Variants in LRMDA observed in about 807,000 individuals in gnomAD.
The protein encoded by LRMDA is leucine rich melanocyte differentiation associated.
In LRMDA, 18 loss-of-function variants were observed where a neutral mutation model predicts 29.8. The observed-to-expected ratio is 0.60, with a 90% CI of 0.42 to 0.90. LRMDA has a LOEUF of 0.90. Among genes scored for constraint, LRMDA ranks in the 40% least tolerant of loss-of-function variants. The pLI is 0.00. For synonymous variants in LRMDA, 125 were observed against 109.4 expected (o/e 1.14, Z -0.89); for missense variants, 273 against 273.9 (o/e 1.00, Z 0.02).
chr10:75,943,189 A>G (rs1023716585), intron 2 of LRMDA, among the ~76,000 whole-genome samples: 25 of 151,174 alleles, frequency 1.7e-4, no homozygotes, highest in Non-Finnish European at 4.4e-5. Context: ...AAGGACTATG[A>G]GATAGAATCT....
At chr10:75,975,884 T>C (rs1051421437) in intron 2 of LRMDA, among the ~76,000 whole-genome samples, 4 of 152,204 alleles carry the variant, frequency 2.6e-5, no homozygotes, top group Non-Finnish European at 5.9e-5. Context: ...AATTCTAAAA[T>C]GTTTCCTGAA....
chr10:76,036,956 G>A (rs923617020), intron 3 of LRMDA, among the ~76,000 whole-genome samples: 7 of 152,144 alleles, frequency 4.6e-5, no homozygotes, highest in African/African-American at 1.7e-4. Context: ...AATAGTGCCT[G>A]GCACCAAGTA....
At chr10:75,596,555 TA>T (rs201025086) in intron 2 of LRMDA, among the ~76,000 whole-genome samples, 2 of 151,700 alleles carry the variant, frequency 1.3e-5, no homozygotes, top group Non-Finnish European at 2.9e-5. Flanking sequence ...TTTTTTTTTT[TA>T]AAATGACATA....
chr10:75,475,020 C>G (rs1040642307), intron 2 of LRMDA, among the ~76,000 whole-genome samples: 12 of 152,206 alleles, frequency 7.9e-5, no homozygotes, highest in African/African-American at 2.9e-4. Flanking sequence ...AGCCCAGCAC[C>G]TGCACATAGT....
chr10:75,710,206 G>T (rs1400843211), intron 2 of LRMDA, among the ~76,000 whole-genome samples: 1 of 152,160 alleles, frequency 6.6e-6, no homozygotes, highest in Admixed American at 6.5e-5. Context: ...TTTTAGCACA[G>T]AAAATGTGTT....
At chr10:76,186,412 C>A (rs191958955) in intron 5 of LRMDA, among the ~76,000 whole-genome samples, 4 of 152,294 alleles carry the variant, frequency 2.6e-5, no homozygotes, top group Admixed American at 1.3e-4. Context: ...CAGGGTTGGC[C>A]ATGCAAATAA....
intron 2 of LRMDA, among the ~76,000 whole-genome samples, chr10:75,506,498 C>G (rs1050410064): frequency 6.6e-6 from 1 of 151,668 alleles, no homozygotes; most frequent in Non-Finnish European, 1.5e-5. Context: ...TTTTTGGTGT[C>G]TTATAGCAGA....
At chr10:75,755,702 G>A (rs1843023371) in intron 2 of LRMDA, among the ~76,000 whole-genome samples, 1 of 152,216 alleles carries the variant, frequency 6.6e-6, no homozygotes, top group Admixed American at 6.5e-5. Context: ...CAATGCAAAG[G>A]TCCTAGGCTG....
chr10:75,667,805 G>T (rs931468277), intron 2 of LRMDA, among the ~76,000 whole-genome samples: 1 of 152,052 alleles, frequency 6.6e-6, no homozygotes, highest in African/African-American at 2.4e-5. Context: ...TTTAATTACA[G>T]ATGAAAAAAA....
intron 2 of LRMDA, among the ~76,000 whole-genome samples, chr10:75,466,564 T>C (rs1365150994): frequency 6.6e-6 from 1 of 152,154 alleles, no homozygotes; most frequent in Admixed American, 6.6e-5. Context: ...ACCGAAGCCA[T>C]CTCGAGCTAC....
At chr10:75,641,395 A>G (rs1246230942) in intron 2 of LRMDA, among the ~76,000 whole-genome samples, 1 of 115,482 alleles carries the variant, frequency 8.7e-6, no homozygotes, top group East Asian at 2.8e-4. Context: ...TAATATGTGG[A>G]TATGTTAATA....
intron 6 of LRMDA, among the ~76,000 whole-genome samples, chr10:76,413,657 C>T (rs1841986238): frequency 6.6e-6 from 1 of 152,102 alleles, no homozygotes; most frequent in Non-Finnish European, 1.5e-5. Context: ...ATCTGATTCT[C>T]AAACTAAAAA....
At chr10:76,041,581 C>T (rs1486007642) in intron 3 of LRMDA, among the ~76,000 whole-genome samples, 5 of 152,124 alleles carry the variant, frequency 3.3e-5, no homozygotes, top group Admixed American at 6.5e-5. Context: ...CCCTTTAACC[C>T]GCAGCTGAGC....
intron 2 of LRMDA, among the ~76,000 whole-genome samples, chr10:75,696,062 A>G (rs1226635063): frequency 6.6e-6 from 1 of 152,222 alleles, no homozygotes; most frequent in Non-Finnish European, 1.5e-5. Flanking sequence ...AAACCCAAAA[A>G]GATAAGAGTG....
rs960977040 is a variant in LRMDA, at chr10:75,782,043, T to G, written c.132-253965T>G. On this transcript the variant is annotated intron_variant, in intron 2 of 6. Coordinates refer to ENST00000611255, the MANE Select transcript of LRMDA (RefSeq NM_001305581.2). ...CTACAGCTTTTCGGATACCCTTTCC[T>G]TTGTGAAGCATGTGAGAACCAACAT... Among the ~76,000 whole-genome samples the G allele has an allele frequency of 3.3e-5, 5 of 152,226 alleles. No homozygotes were observed. In the East Asian group the frequency reaches 9.6e-4, roughly 29 times the overall value.
intron 2 of LRMDA, among the ~76,000 whole-genome samples, chr10:75,858,782 T>C (rs1589231270): frequency 6.6e-6 from 1 of 152,212 alleles, no homozygotes; most frequent in South Asian, 2.1e-4. Context: ...AAATTTTAAC[T>C]ACACAGGTAT....
At chr10:76,298,413 C>A (rs1463750677) in intron 5 of LRMDA, among the ~76,000 whole-genome samples, 1 of 152,192 alleles carries the variant, frequency 6.6e-6, no homozygotes, top group African/African-American at 2.4e-5. Context: ...TGGCTGCCAT[C>A]CTCTCTCCTT....
At chr10:76,454,962 A>C (rs1368364163) in intron 6 of LRMDA, among the ~76,000 whole-genome samples, 1 of 152,202 alleles carries the variant, frequency 6.6e-6, no homozygotes, top group Non-Finnish European at 1.5e-5. Context: ...GTGACTTGAG[A>C]GAGCAACCAC....
chr10:75,820,140 A>G (rs1187677791), intron 2 of LRMDA, among the ~76,000 whole-genome samples: 2 of 152,196 alleles, frequency 1.3e-5, no homozygotes, highest in Admixed American at 6.5e-5. Context: ...CTTAAATTGG[A>G]CTTTAGACCA....
Sources: allele counts gnomAD v4.1 joint callset (sites outside exome capture counted in the v4.1 genomes callset), GRCh38; gene constraint gnomAD v4.1.1; transcripts MANE v1.5; gene names NCBI Gene and HGNC (gene_info 2026-07-23, HGNC 2026-07-21).